ME3: variants seen among roughly 807,000 people sequenced by gnomAD.
ME3 encodes NADP-dependent malic enzyme, mitochondrial.
In ME3, 48 loss-of-function variants were observed where a neutral mutation model predicts 68.9. The ratio of observed to expected loss-of-function variants is 0.70; its 90% CI spans 0.55 to 0.89. The LOEUF (loss-of-function observed/expected upper bound fraction) is 0.89. ME3 is among the 40% of genes least tolerant of loss of function. The pLI is 0.00. For missense variants in ME3, 675 were observed against 797.4 expected (o/e 0.85, Z 1.85); for synonymous variants, 320 against 318.8 (o/e 1.00, Z -0.04).
At chr11:86,526,493 CTCTG>C (rs1273301267) in intron 4 of ME3, among the ~76,000 whole-genome samples, 4 of 152,348 alleles carry the variant, frequency 2.6e-5, no homozygotes, top group South Asian at 4.1e-4. Flanking sequence ...ACTTAAATGT[CTCTG>C]TCTGACAGCG....
chr11:86,559,922 A>C, intron 2 of ME3, 99 bp from the exon 3 acceptor site: 1 of 1,344,978 alleles, frequency 7.4e-7, no homozygotes, highest in Non-Finnish European at 1.0e-6. Context: ...AGTCAGTGTG[A>C]CTCAGTAGAA....
intron 4 of ME3, among the ~76,000 whole-genome samples, chr11:86,553,365 G>A (rs113995911): frequency 7.2e-5 from 11 of 152,308 alleles, no homozygotes; most frequent in African/African-American, 2.2e-4. Context: ...AGTGTTTATC[G>A]TTTCAGAAAC....
rs139100748 is a variant in ME3 at position 86,565,685 on chromosome 11, T to A, written c.184-5862A>T. Among the ~76,000 whole-genome samples, 455 of 152,368 alleles carry A rather than the reference T, an allele frequency of 3.0e-3. 3 individuals carry two copies. Among genetic ancestry groups the A allele is most frequent in the African/African-American group, 6.9e-3 (287 of 41,598 alleles). ...ATGTAAATTATATTAAAAACTTTTTTAAATATTTCTTTGCATGTTTTAAAT... is the reference window on the plus strand; with the variant it reads ...ATGTAAATTATATTAAAAACTTTTTAAAATATTTCTTTGCATGTTTTAAAT... On this transcript the variant is annotated intron_variant, in intron 2 of 14. Coordinates refer to ENST00000543262, the Ensembl canonical transcript of ME3.
intron 2 of ME3, among the ~76,000 whole-genome samples, chr11:86,608,583 T>C (rs561351209): frequency 6.6e-6 from 1 of 152,308 alleles, no homozygotes; most frequent in South Asian, 2.1e-4. Context: ...AGTGTGCAGC[T>C]GCTGGCAGAA....
chr11:86,515,400 G>A (rs548517576), intron 4 of ME3, among the ~76,000 whole-genome samples: 9 of 152,272 alleles, frequency 5.9e-5, no homozygotes, highest in African/African-American at 2.2e-4. Context: ...GAAGGTGGAG[G>A]TGAGATTAGA....
At chr11:86,631,982 C>T (rs2135329305) in intron 2 of ME3, among the ~76,000 whole-genome samples, 1 of 152,300 alleles carries the variant, frequency 6.6e-6, no homozygotes, top group East Asian at 1.9e-4. Context: ...ATCCTCCTGC[C>T]TCAGCCTCCC....
intron 7 of ME3, among the ~76,000 whole-genome samples, chr11:86,472,989 G>A (rs1345653757): frequency 6.6e-6 from 1 of 152,238 alleles, no homozygotes; most frequent in East Asian, 1.9e-4. Context: ...GAAGCAATGG[G>A]CTATACATGA....
In ME3 at chr11:86,609,565, A is replaced by G. The variant is rs970932486; in HGVS notation, c.184-49742T>C. On this transcript the variant is annotated intron_variant, in intron 2 of 14. Coordinates refer to ENST00000543262, the Ensembl canonical transcript of ME3. Reference sequence around the variant, plus strand: ...AATCTGCTATGAATCATAAGTGTGCATATATGTATGCATGCACACACACAC... The same window carrying G: ...AATCTGCTATGAATCATAAGTGTGCGTATATGTATGCATGCACACACACAC... 3.8e-4 allele frequency among the ~76,000 whole-genome samples: 58 copies of G among 152,326 alleles called. No individual in the cohort carries two copies. The South Asian group carries it at 3.9e-3, about 10-fold the overall frequency.
At chr11:86,536,833 A>C (rs1316942834) in intron 4 of ME3, among the ~76,000 whole-genome samples, 6 of 152,180 alleles carry the variant, frequency 3.9e-5, no homozygotes, top group African/African-American at 7.2e-5. Context: ...AGACACATGC[A>C]CACGTATGTT....
chr11:86,656,376 T>A (rs1395927942), intron 2 of ME3, among the ~76,000 whole-genome samples: 2 of 151,684 alleles, frequency 1.3e-5, no homozygotes, highest in East Asian at 3.9e-4. Context: ...TAGACTGGAT[T>A]AAGAAAATGT....
intron 6 of ME3, among the ~76,000 whole-genome samples, chr11:86,491,037 A>G (rs748296190): frequency 6.6e-6 from 1 of 152,194 alleles, no homozygotes; most frequent in African/African-American, 2.4e-5. Context: ...TGCTTTCCTA[A>G]TAAAATGTTC....
chr11:86,528,321 A>G (rs1302991856), intron 4 of ME3, among the ~76,000 whole-genome samples: 2 of 152,260 alleles, frequency 1.3e-5, no homozygotes, highest in East Asian at 3.8e-4. Flanking sequence ...CTAAGTATAT[A>G]TGCACTGAAT....
chr11:86,669,487 G>A (rs1030017300), intron 2 of ME3, among the ~76,000 whole-genome samples: 1 of 152,104 alleles, frequency 6.6e-6, no homozygotes, highest in Non-Finnish European at 1.5e-5. Context: ...TCATGGCGAA[G>A]GCACCTCCTC....
chr11:86,599,711 G>A (rs890672324), intron 2 of ME3, among the ~76,000 whole-genome samples: 1 of 152,140 alleles, frequency 6.6e-6, no homozygotes, highest in African/African-American at 2.4e-5. Context: ...GAAAGGCCAG[G>A]TTACCCACAA....
At chr11:86,459,259 G>A (rs1479182920) in intron 8 of ME3, among the ~76,000 whole-genome samples, 1 of 152,172 alleles carries the variant, frequency 6.6e-6, no homozygotes, top group African/African-American at 2.4e-5. Context: ...TGTGGGAAAG[G>A]GGAGAAAAGT....
chr11:86,582,151 A>G (rs542176262), intron 2 of ME3, among the ~76,000 whole-genome samples: 32 of 152,382 alleles, frequency 2.1e-4, no homozygotes, highest in African/African-American at 7.7e-4. Flanking sequence ...CCACTCTTCC[A>G]TGGGTGGCCT....
chr11:86,576,142 G>T (rs556862043), intron 2 of ME3, among the ~76,000 whole-genome samples: 1 of 152,322 alleles, frequency 6.6e-6, no homozygotes, highest in East Asian at 1.9e-4. Flanking sequence ...GTGAGTGGTA[G>T]GTAGCTAACA....
At chr11:86,515,031 T>A (rs1322124803) in intron 4 of ME3, among the ~76,000 whole-genome samples, 1 of 152,206 alleles carries the variant, frequency 6.6e-6, no homozygotes, top group African/African-American at 2.4e-5. Flanking sequence ...GGAGCCATGA[T>A]GAATAGTTAT....
intron 10 of ME3, among the ~76,000 whole-genome samples, chr11:86,448,762 G>A (rs1949462934): frequency 6.6e-6 from 1 of 152,228 alleles, no homozygotes; most frequent in African/African-American, 2.4e-5. Context: ...ACCAGCTCCA[G>A]TTCCTTACAT....
Sources: gnomAD v4.1 joint callset for allele counts (sites outside exome capture counted in the v4.1 genomes callset) on GRCh38, gnomAD v4.1.1 for gene constraint, MANE v1.5 for transcripts, NCBI Gene and HGNC (gene_info 2026-07-23, HGNC 2026-07-21) for gene names.